NCOR2: variants seen among roughly 807,000 people sequenced by gnomAD.
NCOR2 encodes the protein nuclear receptor corepressor 2.
In NCOR2, 81 loss-of-function variants were observed where a neutral mutation model predicts 262.9. That is an observed-to-expected ratio of 0.31 (90% confidence interval 0.26 to 0.37). NCOR2 has a LOEUF of 0.37. NCOR2 is among the 10% of genes least tolerant of loss of function. NCOR2 has a pLI of 1.00. For missense variants in NCOR2, 3,385 were observed against 3,621.4 expected (o/e 0.93, Z 1.68); for synonymous variants, 1,659 against 1,559.3 (o/e 1.06, Z -1.51).
intron 13 of NCOR2, among the ~76,000 whole-genome samples, chr12:124,419,017 G>A (rs939131043): frequency 1.3e-5 from 2 of 152,054 alleles, no homozygotes; most frequent in African/African-American, 4.8e-5. Context: ...AGCTGCCAGA[G>A]TGCCCACTGC....
chr12:124,347,660 C>T (rs2135866070), intron 30 of NCOR2, 165 bp downstream of exon 32: 1 of 666,024 alleles, frequency 1.5e-6, no homozygotes, highest in Non-Finnish European at 2.6e-6. Flanking sequence ...GTAAGAGACA[C>T]CCTTGCTCCG....
At chr12:124,480,303 G>A (rs991420593) in intron 3 of NCOR2, among the ~76,000 whole-genome samples, 9 of 152,180 alleles carry the variant, frequency 5.9e-5, no homozygotes, top group Non-Finnish European at 1.5e-5. Flanking sequence ...GTCACAGCTG[G>A]CCGGGCACCA....
At chr12:124,396,499 C>CCCCAGGCCCTACCAGCTGGATACAGTG (rs575863576) in intron 16 of NCOR2, among the ~76,000 whole-genome samples, 107 of 152,198 alleles carry the variant, frequency 7.0e-4, no homozygotes, top group East Asian at 3.7e-3. Context: ...CTGACAGCAG[C>CCCCAGGCCCTACCAGCTGGATACAGTG]CCCAGGCCCT....
chr12:124,567,451 C>T (rs1343983787), exon 1 of NCOR2: 2 of 149,614 alleles, frequency 1.3e-5, no homozygotes, highest in Admixed American at 6.7e-5. Context: ...GCCGCCGCCT[C>T]CTAGGGCGCC....
chr12:124,468,258 A>C (rs1294366496), intron 4 of NCOR2, among the ~76,000 whole-genome samples: 3 of 56,510 alleles, frequency 5.3e-5, no homozygotes, highest in African/African-American at 7.5e-5. Flanking sequence ...CCTCATCCTC[A>C]TCACCCCCAT....
intron 2 of NCOR2, 117 bp downstream of exon 4, chr12:124,486,324 C>T (rs745613109): frequency 1.6e-4 from 237 of 1,475,510 alleles, no homozygotes; most frequent in Non-Finnish European, 2.1e-4. Flanking sequence ...ACACACGGCC[C>T]GACATCCCCT....
rs187006842 is a variant in NCOR2, at chr12:124,477,394, G to A, written c.412-4263C>T. ...TTCCTGAGGCCTCTCCAGCCATGCA[G>A]AACTGTGAGTCAACTAAACCTTTTT... On this transcript the variant is annotated intron_variant, in intron 3 of 46. Transcript: ENST00000405201. 9.2e-5 allele frequency among the ~76,000 whole-genome samples: 14 copies of A among 152,318 alleles called. No homozygotes were observed. The East Asian group carries it at 2.1e-3, about 23-fold the overall frequency.
chr12:124,506,981 C>T (rs2049079582), intron 1 of NCOR2, among the ~76,000 whole-genome samples: 1 of 152,112 alleles, frequency 6.6e-6, no homozygotes, highest in Non-Finnish European at 1.5e-5. Flanking sequence ...AGGATGCGGA[C>T]GGGGTTGGGG....
chr12:124,400,792 G>A, intron 14 of NCOR2, 119 bp from the exon 17 acceptor site: 1 of 1,312,566 alleles, frequency 7.6e-7, no homozygotes. Flanking sequence ...GCACTAATCG[G>A]ACGCTAGGAA....
At chr12:124,403,888 C>T (rs1300625933) in intron 13 of NCOR2, among the ~76,000 whole-genome samples, 1 of 152,184 alleles carries the variant, frequency 6.6e-6, no homozygotes, top group East Asian at 1.9e-4. Flanking sequence ...GAGCCTCGGG[C>T]CTGCATCTGC....
In NCOR2 at chr12:124,548,234, T is replaced by TG. The variant is rs1267144604; in HGVS notation, c.-164-12624dup. Among the ~76,000 whole-genome samples, 1 of 152,000 alleles carries TG rather than the reference T, an allele frequency of 6.6e-6. No individual in the cohort carries two copies. Among genetic ancestry groups the TG allele is most frequent in the Non-Finnish European group, 1.5e-5 (1 of 67,988 alleles). ...AATATGCAGGGAACAGCATTCCAGG[T>TG]GGGGGGAACAACAAACGCGAAGGCC... On this transcript the variant is annotated intron_variant, in intron 1 of 32. Coordinates refer to the NCOR2 transcript ENST00000458234. This position sits in a 1 kb window ranked among gnomAD's most constrained non-coding sequence, Gnocchi z 5.1.
chr12:124,469,371 C>A (rs892075873), intron 4 of NCOR2, among the ~76,000 whole-genome samples: 1 of 152,158 alleles, frequency 6.6e-6, no homozygotes, highest in Non-Finnish European at 1.5e-5. Context: ...CTGCCTCAGT[C>A]CCACAGCGAC....
intron 38 of NCOR2, chr12:124,335,869 A>T: frequency 1.9e-6 from 1 of 536,070 alleles, no homozygotes; most frequent in Non-Finnish European, 3.3e-6. Context: ...ACAGAGAGGG[A>T]GACACAGAGA....
In NCOR2 at chr12:124,434,634, C is replaced by A. The variant is rs569545088; in HGVS notation, c.882+3296G>T. ...GAAATCAGATCCTCTCCTGCCCTCC[C>A]GAGAGGAGCCTTCACCCCAAGGGGG... On this transcript the variant is annotated intron_variant, in intron 8 of 46. Transcript: ENST00000405201. 5.3e-5 allele frequency among the ~76,000 whole-genome samples: 8 copies of A among 152,284 alleles called. No individual in the cohort carries two copies. In the East Asian group the frequency reaches 1.5e-3, roughly 29 times the overall value.
At chr12:124,461,086 G>C (rs923552221) in intron 5 of NCOR2, among the ~76,000 whole-genome samples, 1 of 152,244 alleles carries the variant, frequency 6.6e-6, no homozygotes, top group Non-Finnish European at 1.5e-5. Context: ...GCCACCTTCC[G>C]GCTGGGAGGC....
intron 1 of NCOR2, among the ~76,000 whole-genome samples, chr12:124,524,237 T>C (rs1488168320): frequency 6.6e-6 from 1 of 152,172 alleles, no homozygotes; most frequent in Non-Finnish European, 1.5e-5. Context: ...ATTTCCAGCT[T>C]CTCTTGGAAA....
intron 1 of NCOR2, among the ~76,000 whole-genome samples, chr12:124,493,954 C>G (rs551394752): frequency 6.6e-6 from 1 of 152,286 alleles, no homozygotes; most frequent in South Asian, 2.1e-4. Flanking sequence ...GTGAGCTGCT[C>G]TTTCACAGGG....
At chr12:124,404,663 C>T (rs532890302) in intron 13 of NCOR2, among the ~76,000 whole-genome samples, 21 of 152,330 alleles carry the variant, frequency 1.4e-4, no homozygotes, top group African/African-American at 4.1e-4. Flanking sequence ...CCTTCCCCAC[C>T]GCAGCTCTCC....
chr12:124,494,330 C>G (rs1169921466), intron 1 of NCOR2, among the ~76,000 whole-genome samples: 1 of 152,162 alleles, frequency 6.6e-6, no homozygotes, highest in East Asian at 1.9e-4. Flanking sequence ...CAGGAGGTCA[C>G]AAGGGGGAGG....
Sources: gnomAD v4.1 joint callset for allele counts (sites outside exome capture counted in the v4.1 genomes callset) on GRCh38, gnomAD v4.1.1 for gene constraint, Gnocchi (gnomAD v3.1) non-coding constraint, MANE v1.5 for transcripts, NCBI Gene and HGNC (gene_info 2026-07-23, HGNC 2026-07-21) for gene names.